The following TMEM168 variants were observed in gnomAD, a reference collection of about 807,000 sequenced individuals.
The protein encoded by TMEM168 is transmembrane protein 168.
TMEM168 carries 40 observed loss-of-function variants against 53.2 expected under a neutral mutation model. That is an observed-to-expected ratio of 0.75 (90% CI 0.58 to 0.98). The LOEUF is 0.98. Among genes scored for constraint, TMEM168 ranks in the 50% least tolerant of loss-of-function variants. TMEM168 has a pLI of 0.00. For synonymous variants in TMEM168, 282 were observed against 293.0 expected (o/e 0.96, Z 0.38); for missense variants, 771 against 828.8 (o/e 0.93, Z 0.86).
intron 4 of TMEM168, 40 bp downstream of exon 4, chr7:112,772,741 T>C (rs997578367): frequency 9.4e-6 from 15 of 1,588,468 alleles, no homozygotes; most frequent in African/African-American, 1.3e-5. Flanking sequence ...CATATACATG[T>C]GTATCTTTAC....
At chr7:112,772,105 C>T (rs781206001) in intron 4 of TMEM168, among the ~76,000 whole-genome samples, 8 of 152,066 alleles carry the variant, frequency 5.3e-5, no homozygotes, top group Non-Finnish European at 1.0e-4. Context: ...TCTCATTTCT[C>T]TCTTGGCAAT....
chr7:112,780,211 T>C (rs1274574238), intron 2 of TMEM168, among the ~76,000 whole-genome samples: 1 of 152,238 alleles, frequency 6.6e-6, no homozygotes. Context: ...AATTAACCTT[T>C]TGAGTCTTGA....
rs759347189 is a variant in TMEM168, at chr7:112,775,237, C to T, written c.1210G>A (p.Gly404Ser). The T allele has an allele frequency of 5.6e-6, 9 of 1,613,430 alleles. No individual in the cohort carries two copies. In the South Asian group the frequency reaches 7.7e-5, roughly 14 times the overall value. ...SMAHGLFHEL[G>S]NCLGGTSVGY... ...ACAGATGTTCCTCCTAAACAGTTAC[C>T]CAATTCATGGAAGAGCCCATGAGCC... The change falls in exon 3 of 5, where the codon GGT (glycine) becomes AGT (serine). Residue 404 changes from glycine to serine, a missense_variant. Coordinates refer to ENST00000312814, the MANE Select transcript of TMEM168 (RefSeq NM_022484.6).
At chr7:112,768,769 C>T (rs936248492) in intron 4 of TMEM168, among the ~76,000 whole-genome samples, 3 of 151,902 alleles carry the variant, frequency 2.0e-5, no homozygotes, top group Non-Finnish European at 2.9e-5. Flanking sequence ...TCCAATTCTA[C>T]GAATCTATCT....
At chr7:112,785,681 T>G (rs1032133286) in intron 1 of TMEM168, among the ~76,000 whole-genome samples, 2 of 152,164 alleles carry the variant, frequency 1.3e-5, no homozygotes, top group African/African-American at 4.8e-5. Context: ...TAATAGTCAT[T>G]ATAAAGTAAA....
At chr7:112,775,077 T>C in intron 3 of TMEM168, 99 bp downstream of exon 3, 2 of 1,036,478 alleles carry the variant, frequency 1.9e-6, no homozygotes, top group Non-Finnish European at 2.6e-6. Context: ...AGTTATATTT[T>C]GAAAACAGTT....
intron 1 of TMEM168, among the ~76,000 whole-genome samples, chr7:112,789,936 G>A (rs897478396): frequency 6.6e-6 from 1 of 152,162 alleles, no homozygotes; most frequent in Non-Finnish European, 1.5e-5. Flanking sequence ...CGGAGAACGC[G>A]ACCACAACGT....
At chr7:112,773,701 T>C (rs1278883418) in intron 3 of TMEM168, among the ~76,000 whole-genome samples, 5 of 152,146 alleles carry the variant, frequency 3.3e-5, no homozygotes, top group Non-Finnish European at 7.4e-5. Context: ...AAGCAAGTCT[T>C]ATAACTAGCA....
chr7:112,780,955 A>G (rs913884937), intron 2 of TMEM168, among the ~76,000 whole-genome samples: 2 of 151,610 alleles, frequency 1.3e-5, no homozygotes, highest in Admixed American at 1.3e-4. Flanking sequence ...AAAAAAAAAA[A>G]AAAAAAAAAA....
In TMEM168 at chr7:112,785,290, A is replaced by G. The variant is rs537165274; in HGVS notation, c.-128-337T>C. On this transcript the variant is annotated intron_variant, in intron 1 of 4. Transcript: ENST00000312814. Reference sequence around the variant, plus strand: ...AAATGTTCGCTTTAGCTTAGATTGTAGCAGGTTTTGGTACAAGAGAAAGCT... The same window carrying G: ...AAATGTTCGCTTTAGCTTAGATTGTGGCAGGTTTTGGTACAAGAGAAAGCT... Among the ~76,000 whole-genome samples the G allele has an allele frequency of 2.0e-5, 3 of 152,340 alleles. No individual in the cohort carries two copies. In the South Asian group the frequency reaches 6.2e-4, roughly 32 times the overall value.
rs1792731504 is a variant in TMEM168 at position 112,764,686 on chromosome 7, A to AGAT, written c.*2508_*2510dup. ...CAGCTGATTTTTTTATTTTTAGTAGAGATGGGGTTTCACCATGTTGGCCAG... is the reference window on the plus strand; with the variant it reads ...CAGCTGATTTTTTTATTTTTAGTAGAGATGATGGGGTTTCACCATGTTGGCCAG... On this transcript the variant is annotated 3_prime_UTR_variant, in exon 5 of 5. Transcript: ENST00000312814. The AGAT allele has an allele frequency of 6.6e-6, 1 of 151,572 alleles. No individual in the cohort carries two copies. Among genetic ancestry groups the AGAT allele is most frequent in the Non-Finnish European group, 1.5e-5 (1 of 68,052 alleles). The allele number at this position is 151,572 out of a possible 1,614,324, so 9.4% of individuals were successfully genotyped here.
intron 1 of TMEM168, among the ~76,000 whole-genome samples, chr7:112,786,599 T>G (rs1363808554): frequency 7.6e-6 from 1 of 131,844 alleles, no homozygotes; most frequent in Non-Finnish European, 1.5e-5. Flanking sequence ...ATGCATTGAG[T>G]TTTTTTTTTT....
At chr7:112,774,190 A>ATTT (rs1793007554) in intron 3 of TMEM168, among the ~76,000 whole-genome samples, 1 of 152,206 alleles carries the variant, frequency 6.6e-6, no homozygotes, top group Non-Finnish European at 1.5e-5. Flanking sequence ...TAGCTATAAA[A>ATTT]TAAAAATCAA....
chr7:112,786,414 C>T (rs1392572229), intron 1 of TMEM168, among the ~76,000 whole-genome samples: 4 of 152,088 alleles, frequency 2.6e-5, no homozygotes, highest in Non-Finnish European at 5.9e-5. Flanking sequence ...TCAACAAGCA[C>T]ATTTTTTTTT....
At chr7:112,772,593 C>G (rs1214765025) in intron 4 of TMEM168, among the ~76,000 whole-genome samples, 188 bp downstream of exon 4, 1 of 152,120 alleles carries the variant, frequency 6.6e-6, no homozygotes, top group Non-Finnish European at 1.5e-5. Flanking sequence ...AGACGTAATT[C>G]CCAATCTTAT....
At chr7:112,775,144 T>C (rs754955647) in intron 3 of TMEM168, 32 bp downstream of exon 3, 5 of 1,531,448 alleles carry the variant, frequency 3.3e-6, no homozygotes, top group African/African-American at 2.8e-5. Context: ...ATGAAGTGAA[T>C]AGTTATCACT....
chr7:112,786,704 T>C (rs1035632225), intron 1 of TMEM168, among the ~76,000 whole-genome samples: 5 of 152,166 alleles, frequency 3.3e-5, no homozygotes, highest in African/African-American at 1.2e-4. Context: ...CTCAGACTAC[T>C]GAACACTGCT....
In TMEM168 at chr7:112,784,278, A is replaced by G. The variant is rs1404940797; in HGVS notation, c.548T>C (p.Leu183Pro). 6.2e-7 allele frequency: 1 copy of G among 1,614,070 alleles called. No individual in the cohort carries two copies. The highest frequency in any genetic ancestry group is 1.1e-5 in the South Asian group (1 of 91,088). Residue 183 changes from leucine (L) to proline (P), a missense_variant, in exon 2 of 5, where the codon CTT becomes CCT. By Grantham distance (98) the Leu-to-Pro change is moderately conservative. Coordinates refer to ENST00000312814, the MANE Select transcript of TMEM168 (RefSeq NM_022484.6). ...AATCAGCATAGCCAGAGCTACAACA[A>G]GCAAAATGACACTCAGAGACTTCTC... ...LVEKSLSVIL[L>P]VVALAMLIID...
In TMEM168 at chr7:112,766,990, G is replaced by A. The variant is rs1457096175; in HGVS notation, c.*207C>T. On this transcript the variant is annotated 3_prime_UTR_variant, in exon 5 of 5. Coordinates refer to ENST00000312814, the MANE Select transcript of TMEM168 (RefSeq NM_022484.6). The stretch of plus-strand genomic sequence containing the variant: ...AACGTCTCTTATGCATTTACAGTAA[G>A]CATTTGACTCCCTACATACTTTCAT... The A allele has an allele frequency of 3.7e-6, 2 of 545,970 alleles. No individual in the cohort carries two copies. The highest frequency in any genetic ancestry group is 6.4e-6 in the Non-Finnish European group (2 of 312,164). The allele number at this position is 545,970 out of a possible 1,614,324, so 33.8% of individuals were successfully genotyped here.
Sources: allele counts gnomAD v4.1 joint callset (sites outside exome capture counted in the v4.1 genomes callset), GRCh38; gene constraint gnomAD v4.1.1; transcripts MANE v1.5; gene names NCBI Gene and HGNC (gene_info 2026-07-23, HGNC 2026-07-21).